The following ZNF507 variants were observed in gnomAD, a reference collection of about 807,000 sequenced individuals.
ZNF507 encodes zinc finger protein 507.
In ZNF507, 29 loss-of-function variants were observed where a neutral mutation model predicts 80.0. The observed-to-expected ratio is 0.36, with a 90% CI of 0.27 to 0.49. The LOEUF (loss-of-function observed/expected upper bound fraction) is 0.49, where lower values mean the gene tolerates loss of function less well. Among genes scored for constraint, ZNF507 ranks in the 20% least tolerant of loss-of-function variants. The probability of loss-of-function intolerance (pLI) is 0.98; values close to 1 mark genes in which losing one functional copy is unlikely to be tolerated. For synonymous variants in ZNF507, 462 were observed against 422.5 expected (o/e 1.09, Z -1.15); for missense variants, 1,081 against 1,152.2 (o/e 0.94, Z 0.90).
At chr19:32,380,721 CA>C (rs1967612208) in intron 5 of ZNF507, 2 of 1,097,210 alleles carry the variant, frequency 1.8e-6, no homozygotes, top group Non-Finnish European at 2.7e-6. Flanking sequence ...GACAGTTTTA[CA>C]ATACGACCCA....
In ZNF507 at chr19:32,353,946, G is replaced by C; in HGVS notation, c.1116G>C (p.Leu372=). 1 of 1,614,128 alleles carries C rather than the reference G, an allele frequency of 6.2e-7. No homozygotes were observed. Among genetic ancestry groups the C allele is most frequent in the Non-Finnish European group, 8.5e-7 (1 of 1,180,030 alleles). Residue 372 remains leucine (L), a synonymous_variant, in exon 3 of 7, where the codon CTG becomes CTC. Transcript: ENST00000355898. ...LEVISDAEEN[L]IPDSLLTSAQ... ...TGATTTCTGATGCAGAGGAGAATCT[G>C]ATTCCTGATAGCCTGCTTACATCAG...
In ZNF507 at chr19:32,354,220, A is replaced by G. The variant is rs962753042; in HGVS notation, c.1390A>G (p.Lys464Glu). ...LIIGWSSSEK[K>E]DELMNKGLAT... Reference sequence around the variant, plus strand: ...CATAGGCTGGAGCAGTTCAGAGAAAAAAGACGAGTTAATGAATAAAGGCCT... The same window carrying G: ...CATAGGCTGGAGCAGTTCAGAGAAAGAAGACGAGTTAATGAATAAAGGCCT... The change falls in exon 3 of 7, where the codon AAA becomes GAA. Residue 464 changes from lysine to glutamate, a missense_variant. Lys to Glu is a moderately conservative substitution (Grantham distance 56). Around this residue, in one of 6 missense-constraint regions of ZNF507, gnomAD observed 614 missense variants for 583.9 expected, o/e 1.05. Coordinates refer to ENST00000355898, the MANE Select transcript of ZNF507 (RefSeq NM_001136156.2). The G allele has an allele frequency of 6.2e-7, 1 of 1,613,880 alleles. No homozygotes were observed. The highest frequency in any genetic ancestry group is 1.3e-5 in the African/African-American group (1 of 74,894).
At chr19:32,364,007 C>T (rs767023080) in intron 5 of ZNF507, among the ~76,000 whole-genome samples, 4 of 152,170 alleles carry the variant, frequency 2.6e-5, no homozygotes, top group East Asian at 1.9e-4. Context: ...TTTTCCCATA[C>T]GAAACTCGGG....
chr19:32,382,304 A>G, intron 5 of ZNF507, 163 bp from the exon 6 acceptor site: 1 of 819,934 alleles, frequency 1.2e-6, no homozygotes, highest in Non-Finnish European at 1.9e-6. Flanking sequence ...CCTCTCTGAA[A>G]TCAGTGTACC....
intron 2 of ZNF507, among the ~76,000 whole-genome samples, chr19:32,349,476 C>G (rs1967135241): frequency 6.6e-6 from 1 of 152,206 alleles, no homozygotes; most frequent in African/African-American, 2.4e-5. Context: ...TGACTGTTGC[C>G]TTTTATTTTA....
intron 4 of ZNF507, 182 bp downstream of exon 4, chr19:32,356,915 G>T: frequency 1.7e-6 from 1 of 592,756 alleles, no homozygotes; most frequent in East Asian, 2.9e-5. Flanking sequence ...TGAAGCAGAT[G>T]ATTACTAGGT....
At chr19:32,380,255 A>G (rs1967605899) in intron 5 of ZNF507, among the ~76,000 whole-genome samples, 2 of 152,024 alleles carry the variant, frequency 1.3e-5, no homozygotes, top group Admixed American at 1.3e-4. Context: ...CTTAGGGAGT[A>G]TGAGGTAGGA....
At chr19:32,365,945 T>C (rs536573825) in intron 5 of ZNF507, among the ~76,000 whole-genome samples, 2 of 152,340 alleles carry the variant, frequency 1.3e-5, no homozygotes, top group South Asian at 4.1e-4. Flanking sequence ...GGTCTGATTC[T>C]ATAAGCTTTT....
chr19:32,386,045 A>AG lies in ZNF507; in HGVS notation c.*2965dup, dbSNP rs1478963359. On this transcript the variant is annotated 3_prime_UTR_variant, in exon 7 of 7. Coordinates refer to ENST00000355898, the MANE Select transcript of ZNF507 (RefSeq NM_001136156.2). ...CTGATCATTATAAAGAATACTTTTC[A>AG]GGGCTCTATCATTTTCTCCCTTTCT... The AG allele has an allele frequency of 3.3e-5, 5 of 152,414 alleles. No homozygotes were observed. Among genetic ancestry groups the AG allele is most frequent in the African/African-American group, 1.2e-4 (5 of 41,580 alleles). 9.4% of individuals were successfully genotyped at this position (152,414 alleles called of 1,614,324 possible).
intron 2 of ZNF507, among the ~76,000 whole-genome samples, chr19:32,348,840 A>G (rs1967127763): frequency 6.6e-6 from 1 of 152,180 alleles, no homozygotes; most frequent in Non-Finnish European, 1.5e-5. Flanking sequence ...CCCAGATAGC[A>G]TGCTTATTCT....
At chr19:32,381,561 G>A (rs1967622668) in intron 5 of ZNF507, among the ~76,000 whole-genome samples, 1 of 151,910 alleles carries the variant, frequency 6.6e-6, no homozygotes, top group Admixed American at 6.6e-5. Context: ...GATCACGACA[G>A]AGCAAGACTG....
chr19:32,379,805 A>G (rs1967601111), intron 5 of ZNF507, among the ~76,000 whole-genome samples: 1 of 149,170 alleles, frequency 6.7e-6, no homozygotes, highest in South Asian at 2.1e-4. Flanking sequence ...TTTTTTTTCC[A>G]CTTTGTAACA....
intron 5 of ZNF507, among the ~76,000 whole-genome samples, chr19:32,373,800 C>T (rs1967506744): frequency 6.6e-6 from 1 of 152,156 alleles, no homozygotes. Context: ...TGGGTTTTTG[C>T]TGCACTTCGA....
rs1967200567 is a variant in ZNF507, at chr19:32,353,475, A to T, written c.645A>T (p.Pro215=). Residue 215 remains proline, a synonymous_variant, in exon 3 of 7, where the codon CCA becomes CCT. Coordinates refer to ENST00000355898, the MANE Select transcript of ZNF507 (RefSeq NM_001136156.2). ...TERNETIPDI[P]VSVDNLQTHT... ...GAAATGAAACCATTCCAGATATCCC[A>T]GTAAGTGTGGACAATCTACAGACTC... 6.2e-7 allele frequency: 1 copy of T among 1,614,136 alleles called. No individual in the cohort carries two copies. The highest frequency in any genetic ancestry group is 8.5e-7 in the Non-Finnish European group (1 of 1,180,058).
chr19:32,351,125 A>G (rs1480574068), intron 2 of ZNF507, among the ~76,000 whole-genome samples: 1 of 152,208 alleles, frequency 6.6e-6, no homozygotes, highest in Non-Finnish European at 1.5e-5. Flanking sequence ...CTGAAGGACC[A>G]CGGGCCTTTG....
intron 1 of ZNF507, among the ~76,000 whole-genome samples, chr19:32,345,993 G>A (rs924618750): frequency 3.3e-5 from 5 of 152,232 alleles, no homozygotes; most frequent in African/African-American, 4.8e-5. Flanking sequence ...GCAGCTGGGG[G>A]TGGGGGGAAC....
At chr19:32,355,976 G>A (rs1967246193) in intron 3 of ZNF507, among the ~76,000 whole-genome samples, 1 of 152,048 alleles carries the variant, frequency 6.6e-6, no homozygotes, top group Non-Finnish European at 1.5e-5. Context: ...TCCAGCCTGG[G>A]CAACAGAGCG....
At chr19:32,380,503 G>A (rs1319318819) in intron 5 of ZNF507, 2 of 1,173,456 alleles carry the variant, frequency 1.7e-6, no homozygotes, top group African/African-American at 3.1e-5. Flanking sequence ...AGGTGGGTGA[G>A]AAAAAGAGTT....
At chr19:32,372,743 C>A (rs1967491370) in intron 5 of ZNF507, among the ~76,000 whole-genome samples, 1 of 152,030 alleles carries the variant, frequency 6.6e-6, no homozygotes, top group Admixed American at 6.6e-5. Flanking sequence ...CACCAACATC[C>A]CATTCATGAG....
Sources: allele counts gnomAD v4.1 joint callset (sites outside exome capture counted in the v4.1 genomes callset), GRCh38; gene constraint gnomAD v4.1.1; regional missense constraint gnomAD v4.1.1; transcripts MANE v1.5; gene names NCBI Gene and HGNC (gene_info 2026-07-23, HGNC 2026-07-21).